Variants in IDE observed in about 807,000 individuals in gnomAD.
IDE encodes insulin-degrading enzyme.
IDE carries 58 observed loss-of-function variants against 133.2 expected under a neutral mutation model. The ratio of observed to expected loss-of-function variants is 0.44; its 90% CI spans 0.35 to 0.54. The LOEUF (loss-of-function observed/expected upper bound fraction) is 0.54, where lower values mean the gene tolerates loss of function less well. Among genes scored for constraint, IDE ranks in the 20% least tolerant of loss-of-function variants. The pLI is 0.00. For synonymous variants in IDE, 396 were observed against 421.3 expected, an observed-to-expected ratio of 0.94 and a Z score of 0.73; for missense variants, 981 against 1,234.0, an observed-to-expected ratio of 0.79 and a Z score of 3.07.
chr10:92,508,534 C>T lies in IDE; in HGVS notation c.1060+194G>A, dbSNP rs189767547. 2.4e-4 allele frequency among the ~76,000 whole-genome samples: 33 copies of T among 138,168 alleles called. No individual in the cohort carries two copies. The East Asian group carries it at 6.8e-3, about 28-fold the overall frequency. The allele number at this position is 138,168 out of a possible 152,430, so 90.6% of individuals were successfully genotyped here. ...TTTGAGACTAGCCTAGGCAAAATGG[C>T]GAAACCCCATCTCTATCTAAAAAAG... On this transcript the variant is annotated intron_variant, in intron 7 of 24. Coordinates refer to ENST00000265986, the MANE Select transcript of IDE (RefSeq NM_004969.4).
chr10:92,560,782 CAA>C (rs1319594657), intron 1 of IDE, among the ~76,000 whole-genome samples: 3 of 130,440 alleles, frequency 2.3e-5, no homozygotes, highest in Admixed American at 7.7e-5. Flanking sequence ...GACTCCGTCT[CAA>C]AAAAAAAAAA....
At chr10:92,516,310 G>A (rs1352819794) in intron 4 of IDE, among the ~76,000 whole-genome samples, 1 of 151,702 alleles carries the variant, frequency 6.6e-6, no homozygotes, top group Non-Finnish European at 1.5e-5. Flanking sequence ...CCTGGCCAAC[G>A]TGGTGAAAAC....
rs761473594 is a variant in IDE at position 92,574,042 on chromosome 10, C to A, written c.-23G>T. ...CATTAGCCAGCGCAGTCGCCGGGAT[C>A]ACCGCAAACGCTTCCTGCTTGCGCT... On this transcript the variant is annotated 5_prime_UTR_variant, in exon 1 of 25. Transcript: ENST00000265986. 2.7e-6 allele frequency: 4 copies of A among 1,498,584 alleles called. No homozygotes were observed. In the Admixed American group the frequency reaches 6.5e-5, roughly 24 times the overall value. The allele number at this position is 1,498,584 out of a possible 1,614,324, so 92.8% of individuals were successfully genotyped here.
chr10:92,513,887 C>A (rs1485770742), intron 5 of IDE, among the ~76,000 whole-genome samples: 1 of 151,576 alleles, frequency 6.6e-6, no homozygotes, highest in Admixed American at 6.6e-5. Flanking sequence ...GTAGGGTGGA[C>A]AACAAAAACA....
Position 92,534,721 on chromosome 10 carries a change from C to CA in IDE, c.347dup (p.Leu116PhefsTer8), listed in dbSNP as rs760486739. The CA allele has an allele frequency of 1.9e-6, 3 of 1,613,180 alleles. No homozygotes were observed. The African/African-American group carries it at 4.0e-5, about 22-fold the overall frequency. The stretch of plus-strand genomic sequence containing the variant: ...TTTCTTTAGGGTATTTCTTTGTTCC[C>CA]AAAAAAAGCATATGTTCACAAAAAT... On this transcript the variant is annotated frameshift_variant, in exon 3 of 25. Coordinates refer to ENST00000265986, the MANE Select transcript of IDE (RefSeq NM_004969.4). LOFTEE classifies it high-confidence loss of function.
At chr10:92,469,034 A>G (rs1323431161) in intron 18 of IDE, 44 bp from the exon 19 acceptor site, 3 of 1,085,220 alleles carry the variant, frequency 2.8e-6, no homozygotes, top group Non-Finnish European at 4.3e-6. Flanking sequence ...AAACATAAAC[A>G]TATCTTGTTT....
chr10:92,537,265 G>T, intron 2 of IDE, 101 bp downstream of exon 2: 2 of 842,142 alleles, frequency 2.4e-6, no homozygotes, highest in South Asian at 2.1e-5. Flanking sequence ...ACATGGAACC[G>T]GTAACTATTG....
intron 18 of IDE, 27 bp from the exon 19 acceptor site, chr10:92,469,017 A>G (rs1439245808): frequency 1.6e-6 from 2 of 1,262,890 alleles, no homozygotes; most frequent in Admixed American, 1.7e-5. Context: ...GTCCCAGCAT[A>G]TTACAAAAAC....
chr10:92,489,241 C>G lies in IDE; in HGVS notation c.1533+1252G>C, dbSNP rs1419423119. 2.0e-5 allele frequency among the ~76,000 whole-genome samples: 3 copies of G among 152,126 alleles called. No individual in the cohort carries two copies. The East Asian group carries it at 5.8e-4, about 29-fold the overall frequency. On this transcript the variant is annotated intron_variant, in intron 12 of 24. Transcript: ENST00000265986. ...AGTAAGTAATTTCACTACTGAGTTCCCAGATAGATGTGTTCTTAAAAAATT... is the reference window on the plus strand; with the variant it reads ...AGTAAGTAATTTCACTACTGAGTTCGCAGATAGATGTGTTCTTAAAAAATT...
At chr10:92,566,437 AC>A (rs1843555306) in intron 1 of IDE, among the ~76,000 whole-genome samples, 1 of 151,816 alleles carries the variant, frequency 6.6e-6, no homozygotes, top group Non-Finnish European at 1.5e-5. Flanking sequence ...ACACACACAC[AC>A]AACATAGGCA....
chr10:92,522,013 G>A (rs1849250448), intron 4 of IDE, among the ~76,000 whole-genome samples: 1 of 151,930 alleles, frequency 6.6e-6, no homozygotes, highest in South Asian at 2.1e-4. Flanking sequence ...GCACACATAG[G>A]GTCATTATAG....
intron 1 of IDE, among the ~76,000 whole-genome samples, chr10:92,539,845 T>G (rs1418447897): frequency 2.0e-5 from 3 of 152,000 alleles, no homozygotes; most frequent in African/African-American, 7.3e-5. Context: ...AATATCTGAG[T>G]GCCAAGTCTA....
intron 1 of IDE, among the ~76,000 whole-genome samples, chr10:92,543,904 C>T (rs962349038): frequency 1.3e-5 from 2 of 152,118 alleles, no homozygotes; most frequent in Non-Finnish European, 2.9e-5. Context: ...CACAAGTATC[C>T]TTCTTCCACA....
At chr10:92,469,116 T>C in intron 18 of IDE, 126 bp from the exon 19 acceptor site, 1 of 606,232 alleles carries the variant, frequency 1.6e-6, no homozygotes, top group East Asian at 2.8e-5. Context: ...CCTATTCAAA[T>C]GGATAAAAAT....
chr10:92,566,616 G>T (rs1843566583), intron 1 of IDE, among the ~76,000 whole-genome samples: 1 of 151,898 alleles, frequency 6.6e-6, no homozygotes, highest in Admixed American at 6.6e-5. Flanking sequence ...GGCTGGGAAG[G>T]GTAGTGGGTG....
intron 5 of IDE, 78 bp from the exon 6 acceptor site, chr10:92,510,240 C>T: frequency 1.1e-5 from 8 of 726,798 alleles, no homozygotes. Flanking sequence ...ATCTTAGGAT[C>T]TCCTGAAAAG....
In IDE at chr10:92,501,985, T is replaced by A. The variant is rs528527426; in HGVS notation, c.1430+2809A>T. ...GAATGAAACTCCATCTAAAAAAAAATAATAATAAACAAACAGGTATAGTGG... is the reference window on the plus strand; with the variant it reads ...GAATGAAACTCCATCTAAAAAAAAAAAATAATAAACAAACAGGTATAGTGG... On this transcript the variant is annotated intron_variant, in intron 11 of 24. Transcript: ENST00000265986. Among the ~76,000 whole-genome samples the A allele has an allele frequency of 9.3e-5, 14 of 151,190 alleles. No homozygotes were observed. The East Asian group carries it at 1.6e-3, about 17-fold the overall frequency.
chr10:92,458,658 C>T (rs372633040), intron 22 of IDE, among the ~76,000 whole-genome samples: 2 of 151,862 alleles, frequency 1.3e-5, no homozygotes, highest in South Asian at 2.1e-4. Flanking sequence ...TGCACCACCA[C>T]GCCTGGCTAA....
At chr10:92,554,755 A>T (rs921639776) in intron 1 of IDE, 7 of 152,066 alleles carry the variant, frequency 4.6e-5, no homozygotes, top group South Asian at 2.1e-4. Context: ...GCTGAGGCAG[A>T]AGAATTGCTT....
Sources: gnomAD v4.1 joint callset for allele counts (sites outside exome capture counted in the v4.1 genomes callset) on GRCh38, gnomAD v4.1.1 for gene constraint, MANE v1.5 for transcripts, NCBI Gene and HGNC (gene_info 2026-07-23, HGNC 2026-07-21) for gene names.